Variants in TMX3 observed in about 807,000 individuals in gnomAD.
The protein encoded by TMX3 is thioredoxin related transmembrane protein 3, also known as protein disulfide-isomerase TMX3.
TMX3 carries 40 observed loss-of-function variants against 64.4 expected under a neutral mutation model. The observed-to-expected ratio is 0.62, with a 90% confidence interval of 0.48 to 0.81. The LOEUF is 0.81. TMX3 is among the 30% of genes least tolerant of loss of function. The pLI is 0.00. For missense variants in TMX3, 497 were observed against 534.5 expected (o/e 0.93, Z 0.69); for synonymous variants, 189 against 175.7 (o/e 1.08, Z -0.60).
Position 68,676,622 on chromosome 18 carries a change from C to T in TMX3, c.*311G>A, listed in dbSNP as rs1466669884. 3.7e-6 allele frequency: 1 copy of T among 273,738 alleles called. No individual in the cohort carries two copies. The highest frequency in any genetic ancestry group is 6.9e-6 in the Non-Finnish European group (1 of 145,818). 17.0% of individuals were successfully genotyped at this position (273,738 alleles called of 1,614,324 possible). A position where few individuals can be genotyped will look rare whatever the true frequency, so the allele number is the denominator to read the frequency against. On this transcript the variant is annotated 3_prime_UTR_variant, in exon 16 of 16. Coordinates refer to ENST00000299608, the MANE Select transcript of TMX3 (RefSeq NM_019022.5). ...CTGACTGACCAATTTAAATATTCTG[C>T]CCAAGAATCTTAACTTTTTGTCACA...
rs1914503098 is a variant in TMX3 at position 68,691,339 on chromosome 18, G to A, written c.593C>T (p.Pro198Leu). ...TTCATCTTTGAAAACAAGCACAGCT[G>A]GCATCTCTTTTAGTGTCACATACTG... is the stretch of plus-strand genomic sequence containing the variant. ...VPEYVTLKEM[P>L]AVLVFKDETY... The change falls in exon 9 of 16, where the codon CCA becomes CTA. Residue 198 changes from proline (P) to leucine (L), a missense_variant. Pro to Leu is a moderately conservative substitution (Grantham distance 98, BLOSUM62 -3). Transcript: ENST00000299608. 2 of 1,574,168 alleles carry A rather than the reference G, an allele frequency of 1.3e-6. No individual in the cohort carries two copies. The highest frequency in any genetic ancestry group is 2.4e-5 in the South Asian group (2 of 84,530).
chr18:68,704,066 A>G (rs966733717), intron 4 of TMX3, among the ~76,000 whole-genome samples: 1 of 152,130 alleles, frequency 6.6e-6, no homozygotes, highest in Non-Finnish European at 1.5e-5. Context: ...TACTTCTCTG[A>G]TTCCCCTTCT....
At position 68,701,732 on chromosome 18, in the gene TMX3, A is replaced by G. The variant is rs919029698; in HGVS notation, c.311+13T>C. On this transcript the variant is annotated intron_variant, in intron 5 of 15. Coordinates refer to ENST00000299608, the MANE Select transcript of TMX3 (RefSeq NM_019022.5). The stretch of plus-strand genomic sequence containing the variant: ...ATAAAAATACACATATAAACATACA[A>G]CACTCAACTTACAGCTTAATTGTTG... 2.5e-6 allele frequency: 4 copies of G among 1,611,622 alleles called. No individual in the cohort carries two copies. The highest frequency in any genetic ancestry group is 3.4e-6 in the Non-Finnish European group (4 of 1,178,610).
rs183792933 is a variant in TMX3, at chr18:68,684,651, T to C, written c.737-166A>G. Among the ~76,000 whole-genome samples the C allele has an allele frequency of 3.3e-5, 5 of 152,324 alleles. No homozygotes were observed. In the East Asian group the frequency reaches 9.6e-4, roughly 29 times the overall value. On this transcript the variant is annotated intron_variant, in intron 10 of 15. Transcript: ENST00000299608. ...ATCAACACATTACGGTATATGTTTG[T>C]AGAGTCAATCAGTGAATTAGTCAAC... is the stretch of plus-strand genomic sequence containing the variant.
At chr18:68,697,696 G>GA (rs1001519448) in intron 7 of TMX3, 15 of 448,020 alleles carry the variant, frequency 3.3e-5, no homozygotes, top group African/African-American at 2.2e-4. Flanking sequence ...GTTAATAACA[G>GA]AAAAAAATGC....
intron 8 of TMX3, among the ~76,000 whole-genome samples, chr18:68,693,928 G>A (rs571562653): frequency 3.3e-5 from 5 of 152,188 alleles, no homozygotes; most frequent in Admixed American, 2.6e-4. Context: ...GCACTTCCTC[G>A]ATTCTGAGCA....
intron 4 of TMX3, among the ~76,000 whole-genome samples, chr18:68,703,933 A>G (rs1432653618): frequency 1.3e-5 from 2 of 152,016 alleles, no homozygotes; most frequent in African/African-American, 4.8e-5. Flanking sequence ...CTGTCTCAAA[A>G]CAAACAAACA....
intron 6 of TMX3, among the ~76,000 whole-genome samples, chr18:68,698,402 AAG>A (rs768208539): frequency 6.6e-6 from 1 of 152,206 alleles, no homozygotes; most frequent in Non-Finnish European, 1.5e-5. Flanking sequence ...TCCCTTTCAA[AAG>A]ATCATTCACA....
chr18:68,674,059 A>C lies in TMX3; in HGVS notation c.*2874T>G, dbSNP rs1013563290. The C allele has an allele frequency of 6.6e-6, 1 of 152,150 alleles. No homozygotes were observed. The highest frequency in any genetic ancestry group is 1.5e-5 in the Non-Finnish European group (1 of 68,012). 9.4% of individuals were successfully genotyped at this position (152,150 alleles called of 1,614,324 possible). ...CCAAAATAAAAAGGTCCCAAAGCAA[A>C]ACACACACAAAAAGTCACTAACAAT... On this transcript the variant is annotated 3_prime_UTR_variant, in exon 16 of 16. Coordinates refer to ENST00000299608, the MANE Select transcript of TMX3 (RefSeq NM_019022.5).
chr18:68,714,402 G>A (rs1045443289), intron 1 of TMX3: 1 of 157,950 alleles, frequency 6.3e-6, no homozygotes, highest in Non-Finnish European at 1.4e-5. Context: ...TGTTAAGTGA[G>A]CGGACCCCAG....
chr18:68,708,243 C>T (rs1035356697), intron 4 of TMX3, among the ~76,000 whole-genome samples: 1 of 151,994 alleles, frequency 6.6e-6, no homozygotes, highest in African/African-American at 2.4e-5. Flanking sequence ...ATCTCTTCTC[C>T]TCTCAAAATT....
chr18:68,700,946 A>T, intron 5 of TMX3: 1 of 985,102 alleles, frequency 1.0e-6, no homozygotes, highest in African/African-American at 1.7e-5. Flanking sequence ...TGCATTAAAA[A>T]CAGCTCTTCT....
chr18:68,680,862 C>G (rs1257977878), intron 14 of TMX3, 119 bp downstream of exon 14: 2 of 938,720 alleles, frequency 2.1e-6, no homozygotes, highest in Non-Finnish European at 3.0e-6. Context: ...TATGGAGGTC[C>G]AGCCCTCTAC....
At chr18:68,678,882 C>A (rs1599293573) in intron 15 of TMX3, among the ~76,000 whole-genome samples, 1 of 148,868 alleles carries the variant, frequency 6.7e-6, no homozygotes, top group African/African-American at 2.5e-5. Context: ...ATTTTAATTC[C>A]ACATTTAAAG....
intron 9 of TMX3, among the ~76,000 whole-genome samples, chr18:68,689,308 C>T (rs1914275265): frequency 6.6e-6 from 1 of 151,846 alleles, no homozygotes; most frequent in African/African-American, 2.4e-5. Flanking sequence ...TGAGCTATAA[C>T]AGGGGGATGC....
Position 68,715,078 on chromosome 18 carries a change from C to A in TMX3, c.-97G>T. ...CGCCCGGAAAGGGAAACGGAGCCGA[C>A]CCGGAGCGGAAGAGAAGCACCGCGC... On this transcript the variant is annotated 5_prime_UTR_variant, in exon 1 of 16. Transcript: ENST00000299608. 6.5e-7 allele frequency: 1 copy of A among 1,540,550 alleles called. No homozygotes were observed. The highest frequency in any genetic ancestry group is 8.8e-7 in the Non-Finnish European group (1 of 1,141,524).
chr18:68,702,600 C>T (rs747371740), intron 4 of TMX3, among the ~76,000 whole-genome samples: 7 of 152,102 alleles, frequency 4.6e-5, no homozygotes, highest in East Asian at 1.9e-4. Context: ...AGTTAACACA[C>T]GTTATACCAT....
At chr18:68,687,593 CTACAAAA>C in intron 10 of TMX3, 67 bp downstream of exon 10, 1 of 1,531,822 alleles carries the variant, frequency 6.5e-7, no homozygotes, top group Non-Finnish European at 8.7e-7. Context: ...AATTCATTTC[CTACAAAA>C]TAAGATTTTT....
rs866980457 is a variant in TMX3 at position 68,686,751 on chromosome 18, C to A, written c.736+916G>T. 92 of 985,164 alleles carry A rather than the reference C, an allele frequency of 9.3e-5. 1 individual carries two copies. The African/African-American group carries it at 1.3e-3, about 14-fold the overall frequency. The allele number at this position is 985,164 out of a possible 1,614,324, so 61.0% of individuals were successfully genotyped here. ...GTAAAACCACAGTCTTTGACACTGT[C>A]CCCGGCAACTTCCAATAATGAGCTA... On this transcript the variant is annotated intron_variant, in intron 10 of 15. Transcript: ENST00000299608.
Sources: gnomAD v4.1 joint callset for allele counts (sites outside exome capture counted in the v4.1 genomes callset) on GRCh38, gnomAD v4.1.1 for gene constraint, MANE v1.5 for transcripts, NCBI Gene and HGNC (gene_info 2026-07-23, HGNC 2026-07-21) for gene names.